The following WIPI2 variants were observed in gnomAD, a reference collection of about 807,000 sequenced individuals.
The protein encoded by WIPI2 is WD repeat domain phosphoinositide-interacting protein 2.
WIPI2 carries 28 observed loss-of-function variants against 52.3 expected under a neutral mutation model. That is an observed-to-expected ratio of 0.54 (90% CI 0.40 to 0.73). WIPI2 has a LOEUF of 0.73. WIPI2 is among the 30% of genes least tolerant of loss of function. The pLI is 0.00. For synonymous variants in WIPI2, 268 were observed against 245.0 expected (o/e 1.09, Z -0.88); for missense variants, 506 against 602.9 (o/e 0.84, Z 1.68).
chr7:5,194,250 AAG>A (rs1781632244), intron 2 of WIPI2, among the ~76,000 whole-genome samples: 1 of 152,164 alleles, frequency 6.6e-6, no homozygotes, highest in Non-Finnish European at 1.5e-5. Context: ...ATAGCCCTGA[AAG>A]AGAGGGCACC....
intron 11 of WIPI2, 141 bp downstream of exon 11, chr7:5,228,352 G>A: frequency 1.3e-6 from 1 of 788,710 alleles, no homozygotes; most frequent in African/African-American, 1.8e-5. Flanking sequence ...TGCCGCGCAG[G>A]TCGGGAGCTT....
chr7:5,201,479 C>G (rs1782023071), intron 3 of WIPI2, among the ~76,000 whole-genome samples: 2 of 152,356 alleles, frequency 1.3e-5, no homozygotes, highest in South Asian at 4.1e-4. Context: ...CGCAGTGGCT[C>G]ACGCCTGTAA....
At chr7:5,223,920 C>G (rs1172020791) in intron 8 of WIPI2, among the ~76,000 whole-genome samples, 1 of 152,266 alleles carries the variant, frequency 6.6e-6, no homozygotes, top group Admixed American at 6.5e-5. Flanking sequence ...CCCGCCACGC[C>G]ACCTGATCCA....
intron 9 of WIPI2, chr7:5,226,941 G>C: frequency 1.9e-6 from 1 of 531,860 alleles, no homozygotes; most frequent in Non-Finnish European, 3.3e-6. Flanking sequence ...TCTTGTCCGT[G>C]GCCAAAGGCT....
chr7:5,219,450 T>A (rs1174057847), intron 7 of WIPI2, among the ~76,000 whole-genome samples: 1 of 27,408 alleles, frequency 3.6e-5, no homozygotes, highest in Non-Finnish European at 7.4e-5. Flanking sequence ...CCCATAAAAA[T>A]AGATTTTTTT....
Position 5,214,766 on chromosome 7 carries a change from G to GC in WIPI2, c.381+65dup, listed in dbSNP as rs1782728185. On this transcript the variant is annotated intron_variant, in intron 4 of 12. Transcript: ENST00000288828. Reference sequence around the variant, plus strand: ...TGCTCCCTCCAGCACTCTGGGACAAGCCCACCCCACCGGCATGCCCCTCCG... The same window carrying GC: ...TGCTCCCTCCAGCACTCTGGGACAAGCCCCACCCCACCGGCATGCCCCTCCG... The GC allele has an allele frequency of 1.2e-5, 19 of 1,579,596 alleles. No homozygotes were observed. In the South Asian group the frequency reaches 1.9e-4, roughly 16 times the overall value.
chr7:5,202,720 G>T (rs1279785095), intron 3 of WIPI2, among the ~76,000 whole-genome samples: 1 of 152,170 alleles, frequency 6.6e-6, no homozygotes. Context: ...ACAGGCGTGA[G>T]CCACCGCGCC....
intron 2 of WIPI2, among the ~76,000 whole-genome samples, chr7:5,199,319 G>C (rs555901711): frequency 6.6e-6 from 1 of 152,202 alleles, no homozygotes; most frequent in Non-Finnish European, 1.5e-5. Context: ...TGGGATTACA[G>C]GCATGAGCCA....
At chr7:5,216,538 T>A in intron 4 of WIPI2, 25 bp from the exon 5 acceptor site, 1 of 1,609,476 alleles carries the variant, frequency 6.2e-7, no homozygotes, top group Non-Finnish European at 8.5e-7. Flanking sequence ...GCTTCACGTT[T>A]GGTTTCGTTT....
chr7:5,199,645 G>A lies in WIPI2; in HGVS notation c.198G>A (p.Gln66=). ...FSLSSVDKLE[Q]IYECTDTEDV... Reference sequence around the variant, plus strand: ...TTTCTTCTGTGGATAAGCTGGAACAGATCTATGAATGCAGTAAGTGTTTGC... The same window carrying A: ...TTTCTTCTGTGGATAAGCTGGAACAAATCTATGAATGCAGTAAGTGTTTGC... Residue 66 remains glutamine (Q), a synonymous_variant, in exon 3 of 13, where the codon CAG becomes CAA. Coordinates refer to ENST00000288828, the MANE Select transcript of WIPI2 (RefSeq NM_015610.4). 6.2e-7 allele frequency: 1 copy of A among 1,605,096 alleles called. No homozygotes were observed. The highest frequency in any genetic ancestry group is 1.7e-4 in the Middle Eastern group (1 of 5,744).
In WIPI2 at chr7:5,227,372, C is replaced by G; in HGVS notation, c.1013+28C>G. ...GAGTAGAGCCGGCGCCTCCGTCCCC[C>G]ACCCCGTGTGCCTCAGGCCGAGGGG... On this transcript the variant is annotated intron_variant, in intron 10 of 12. Coordinates refer to ENST00000288828, the MANE Select transcript of WIPI2 (RefSeq NM_015610.4). This position sits in a 1 kb window ranked among gnomAD's most constrained non-coding sequence, Gnocchi z 8.1. The G allele has an allele frequency of 6.2e-7, 1 of 1,607,174 alleles. No homozygotes were observed.
rs200211918 is a variant in WIPI2 at position 5,195,029 on chromosome 7, T to C, written c.128+1858T>C. On this transcript the variant is annotated intron_variant, in intron 2 of 12. Coordinates refer to ENST00000288828, the MANE Select transcript of WIPI2 (RefSeq NM_015610.4). ...GTTTAAAAAGCAGTGACTCTGTCCT[T>C]CCCTAGAGAAGGACAGGCCTACTCT... 1.2e-4 allele frequency among the ~76,000 whole-genome samples: 19 copies of C among 152,150 alleles called. No individual in the cohort carries two copies. In the East Asian group the frequency reaches 3.5e-3, roughly 28 times the overall value.
At chr7:5,224,518 T>A (rs980386110) in intron 8 of WIPI2, among the ~76,000 whole-genome samples, 2 of 152,190 alleles carry the variant, frequency 1.3e-5, no homozygotes, top group African/African-American at 4.8e-5. Context: ...GGCTGGAGTT[T>A]TACTACTACT....
chr7:5,203,761 T>C (rs111400924), intron 3 of WIPI2, among the ~76,000 whole-genome samples: 2,626 of 150,018 alleles, frequency 0.018, 51 homozygotes, highest in Non-Finnish European at 0.027. Flanking sequence ...GCCTCCCGAG[T>C]AGCGCCACCA....
intron 3 of WIPI2, among the ~76,000 whole-genome samples, chr7:5,208,073 C>A (rs1782378996): frequency 6.6e-6 from 1 of 152,134 alleles, no homozygotes; most frequent in Non-Finnish European, 1.5e-5. Context: ...GCCTCCTCAC[C>A]AACTTTTGAT....
intron 7 of WIPI2, among the ~76,000 whole-genome samples, chr7:5,220,583 C>T (rs990160331): frequency 3.9e-5 from 6 of 151,964 alleles, no homozygotes; most frequent in Admixed American, 1.3e-4. Context: ...GTGGCATGAT[C>T]ATGGCTCACT....
intron 3 of WIPI2, among the ~76,000 whole-genome samples, chr7:5,201,947 CT>C (rs35036884): frequency 7.7e-4 from 113 of 146,276 alleles, no homozygotes; most frequent in African/African-American, 6.4e-4. Flanking sequence ...CTCTTTCACA[CT>C]TTTTTTTTTT....
At chr7:5,222,724 A>G (rs1783206109) in intron 8 of WIPI2, 52 bp downstream of exon 8, 2 of 1,534,550 alleles carry the variant, frequency 1.3e-6, no homozygotes, top group Non-Finnish European at 1.8e-6. Context: ...TTTGGATTTC[A>G]GTTTTATGTT....
At chr7:5,223,647 C>A (rs996700088) in intron 8 of WIPI2, among the ~76,000 whole-genome samples, 4 of 152,198 alleles carry the variant, frequency 2.6e-5, no homozygotes, top group African/African-American at 9.6e-5. Context: ...TGTGTGTGTG[C>A]TGATCCCGGG....
Sources: gnomAD v4.1 joint callset for allele counts (sites outside exome capture counted in the v4.1 genomes callset) on GRCh38, gnomAD v4.1.1 for gene constraint, Gnocchi (gnomAD v3.1) non-coding constraint, MANE v1.5 for transcripts, NCBI Gene and HGNC (gene_info 2026-07-23, HGNC 2026-07-21) for gene names.